Variants in RCOR3 observed in about 807,000 individuals in gnomAD.
The protein encoded by RCOR3 is REST corepressor 3.
Under a neutral mutation model 64.1 loss-of-function variants are expected in RCOR3, and 13 were observed. The ratio of observed to expected loss-of-function variants is 0.20; its 90% confidence interval spans 0.13 to 0.32. The LOEUF (loss-of-function observed/expected upper bound fraction) is 0.32. Among genes scored for constraint, RCOR3 ranks in the 10% least tolerant of loss-of-function variants. The pLI is 1.00. For missense variants in RCOR3, 489 were observed against 701.2 expected (o/e 0.70, Z 3.42); for synonymous variants, 215 against 239.0 (o/e 0.90, Z 0.93).
intron 8 of RCOR3, chr1:211,291,431 A>G (rs1699229328): frequency 2.6e-6 from 1 of 383,572 alleles, no homozygotes; most frequent in African/African-American, 2.1e-5. Flanking sequence ...AAATATCCCA[A>G]AATCCCCTGA....
intron 1 of RCOR3, 159 bp from the exon 2 acceptor site, chr1:211,259,948 AT>A: frequency 1.2e-6 from 1 of 837,120 alleles, no homozygotes; most frequent in Non-Finnish European, 1.4e-6. Context: ...CCCGCCCCCA[AT>A]CCGCTGCCAT....
At chr1:211,294,750 C>T (rs909137110) in intron 8 of RCOR3, among the ~76,000 whole-genome samples, 8 of 151,956 alleles carry the variant, frequency 5.3e-5, no homozygotes, top group Non-Finnish European at 7.4e-5. Flanking sequence ...CCACCACGCC[C>T]GGCTAATTTT....
In RCOR3 at chr1:211,315,104, T is replaced by C. The variant is rs1701796560; in HGVS notation, c.*1336T>C. 1 of 152,248 alleles carries C rather than the reference T, an allele frequency of 6.6e-6. No individual in the cohort carries two copies. The highest frequency in any genetic ancestry group is 1.5e-5 in the Non-Finnish European group (1 of 68,024). The allele number at this position is 152,248 out of a possible 1,614,324, so 9.4% of individuals were successfully genotyped here. On this transcript the variant is annotated 3_prime_UTR_variant, in exon 12 of 12. Transcript: ENST00000419091. ...TAGTATTTCAACAATGTGTAATTAA[T>C]ATTTTTGATACAGTGATTTCATATT... is the stretch of plus-strand genomic sequence containing the variant.
intron 10 of RCOR3, among the ~76,000 whole-genome samples, chr1:211,311,950 ATC>A (rs943712090): frequency 3.9e-5 from 6 of 152,196 alleles, no homozygotes; most frequent in Admixed American, 3.9e-4. Flanking sequence ...AACAATAAAT[ATC>A]TCTTCTTAAG....
intron 7 of RCOR3, among the ~76,000 whole-genome samples, chr1:211,284,123 G>A (rs561582599): frequency 1.3e-5 from 2 of 151,306 alleles, no homozygotes; most frequent in Admixed American, 1.3e-4. Context: ...GCGGGATCTC[G>A]GCTCGCTGCA....
At chr1:211,285,749 C>A (rs551376851) in intron 7 of RCOR3, among the ~76,000 whole-genome samples, 21 of 152,252 alleles carry the variant, frequency 1.4e-4, no homozygotes, top group African/African-American at 4.6e-4. Context: ...AGTTGAAATC[C>A]ATATTCTTAC....
chr1:211,271,549 C>A (rs1387156290), intron 3 of RCOR3: 1 of 588,958 alleles, frequency 1.7e-6, no homozygotes, highest in East Asian at 3.7e-5. Flanking sequence ...ATGAAAAAAC[C>A]TAGGATCTGA....
chr1:211,294,509 A>G (rs1699619243), intron 8 of RCOR3, among the ~76,000 whole-genome samples: 1 of 149,564 alleles, frequency 6.7e-6, no homozygotes, highest in Admixed American at 6.6e-5. Context: ...TTGTGTCCCA[A>G]CCTCTTTTAC....
chr1:211,292,603 C>G (rs1170696868), intron 8 of RCOR3, among the ~76,000 whole-genome samples: 1 of 152,172 alleles, frequency 6.6e-6, no homozygotes, highest in Non-Finnish European at 1.5e-5. Context: ...ATCCTGTTAA[C>G]CACTGCTACT....
chr1:211,308,673 GT>G (rs545513442), intron 10 of RCOR3, among the ~76,000 whole-genome samples: 3 of 40,488 alleles, frequency 7.4e-5, no homozygotes, highest in Non-Finnish European at 1.1e-4. Flanking sequence ...TTTTTTTTTT[GT>G]TTTTTTTTTG....
intron 8 of RCOR3, 57 bp from the exon 9 acceptor site, chr1:211,295,619 C>G (rs1343133206): frequency 7.1e-7 from 1 of 1,403,366 alleles, no homozygotes; most frequent in African/African-American, 1.4e-5. Context: ...TAATTGAGTA[C>G]TCACAAATTT....
chr1:211,280,486 T>TC (rs1204694585), intron 7 of RCOR3, among the ~76,000 whole-genome samples: 1 of 152,220 alleles, frequency 6.6e-6, no homozygotes, highest in Non-Finnish European at 1.5e-5. Context: ...ATTCAATAAA[T>TC]CATTGTTGAA....
At chr1:211,273,410 A>C (rs1451492357) in intron 3 of RCOR3, among the ~76,000 whole-genome samples, 10 of 152,230 alleles carry the variant, frequency 6.6e-5, no homozygotes, top group Non-Finnish European at 1.5e-4. Context: ...CAGAATCAGG[A>C]TTCTTAACCA....
intron 9 of RCOR3, among the ~76,000 whole-genome samples, chr1:211,301,292 A>G (rs1374857721): frequency 6.6e-6 from 1 of 152,120 alleles, no homozygotes; most frequent in Admixed American, 6.6e-5. Flanking sequence ...ATTAAATTAA[A>G]TCTTAACCTC....
chr1:211,259,927 C>CG (rs1558031324), intron 1 of RCOR3, 181 bp from the exon 2 acceptor site: 1 of 857,456 alleles, frequency 1.2e-6, no homozygotes, highest in African/African-American at 1.9e-5. Context: ...CGCCTTTGCC[C>CG]CCCCCCGCTC....
chr1:211,296,069 A>G (rs1699834590), intron 9 of RCOR3, among the ~76,000 whole-genome samples: 1 of 152,352 alleles, frequency 6.6e-6, no homozygotes, highest in East Asian at 1.9e-4. Context: ...CTGGGTCTAC[A>G]GCAATGTTTG....
chr1:211,267,933 T>G, intron 2 of RCOR3: 1 of 329,646 alleles, frequency 3.0e-6, no homozygotes, highest in East Asian at 1.3e-4. Flanking sequence ...TAAAAAAAGT[T>G]TAATATCTCT....
At chr1:211,268,750 G>A (rs1296047430) in intron 2 of RCOR3, among the ~76,000 whole-genome samples, 1 of 152,094 alleles carries the variant, frequency 6.6e-6, no homozygotes, top group Non-Finnish European at 1.5e-5. Flanking sequence ...CTCAGCTCAT[G>A]CTTTTGTGTC....
intron 4 of RCOR3, among the ~76,000 whole-genome samples, chr1:211,275,022 T>C (rs1283559403): frequency 6.6e-6 from 1 of 151,176 alleles, no homozygotes; most frequent in Non-Finnish European, 1.5e-5. Flanking sequence ...GTTTATTATG[T>C]AATACACTCT....
Sources: gnomAD v4.1 joint callset for allele counts (sites outside exome capture counted in the v4.1 genomes callset) on GRCh38, gnomAD v4.1.1 for gene constraint, MANE v1.5 for transcripts, NCBI Gene and HGNC (gene_info 2026-07-23, HGNC 2026-07-21) for gene names.